Variants in ARHGAP30 observed in about 807,000 individuals in gnomAD.
ARHGAP30 encodes the protein rho GTPase-activating protein 30.
ARHGAP30 carries 23 observed loss-of-function variants against 72.0 expected under a neutral mutation model. That is an observed-to-expected ratio of 0.32 (90% CI 0.23 to 0.45). The LOEUF is 0.45. Ranked by LOEUF, ARHGAP30 falls within the 20% of genes least tolerant of loss-of-function variation. The pLI, the probability that ARHGAP30 is intolerant of heterozygous loss-of-function variation, is 1.00. For synonymous variants in ARHGAP30, 576 were observed against 528.2 expected, an observed-to-expected ratio of 1.09 and a Z score of -1.24; for missense variants, 1,319 against 1,383.4, an observed-to-expected ratio of 0.95 and a Z score of 0.74.
chr1:161,064,819 GAAAGAAAGAAAGAGAA>G (rs1225585936), intron 1 of ARHGAP30, among the ~76,000 whole-genome samples: 1,627 of 60,590 alleles, frequency 0.027, 22 homozygotes, highest in East Asian at 0.063. Context: ...AAGAAAGAAA[GAAAGAAAGAAAGAGAA>G]AGAAAGAAAG....
intron 5 of ARHGAP30, among the ~76,000 whole-genome samples, chr1:161,053,807 G>A (rs985211045): frequency 4.6e-5 from 7 of 152,200 alleles, no homozygotes; most frequent in Non-Finnish European, 8.8e-5. Flanking sequence ...GCTCACACCT[G>A]TAATCCTAGC....
chr1:161,064,039 A>G (rs548467190), intron 1 of ARHGAP30, among the ~76,000 whole-genome samples: 3 of 152,240 alleles, frequency 2.0e-5, no homozygotes, highest in Admixed American at 1.3e-4. Flanking sequence ...CTGTGATCTC[A>G]CCCTGCCTCC....
intron 2 of ARHGAP30, among the ~76,000 whole-genome samples, chr1:161,058,598 C>T (rs1211840109): frequency 8.1e-6 from 1 of 123,836 alleles, no homozygotes; most frequent in African/African-American, 3.1e-5. Context: ...CTGCACTCCA[C>T]CCTGGGCAAC....
rs1378612337 is a variant in ARHGAP30 at position 161,052,087 on chromosome 1, A to G, written c.1018+199T>C. 4.0e-5 allele frequency among the ~76,000 whole-genome samples: 6 copies of G among 149,608 alleles called. 1 individual carries two copies. The highest frequency in any genetic ancestry group is 1.5e-4 in the African/African-American group (6 of 40,484). ...TACCCATGCTGTCCCATCCCATACG[A>G]ACACTCATCAACAAAGTCATAGATT... On this transcript the variant is annotated intron_variant, in intron 9 of 11. Transcript: ENST00000368013.
rs765136591 is a variant in ARHGAP30, at chr1:161,048,064, C to T, written c.2957G>A (p.Arg986Gln). The T allele has an allele frequency of 4.3e-6, 7 of 1,614,042 alleles. No individual in the cohort carries two copies. The African/African-American group carries it at 6.7e-5, about 15-fold the overall frequency. Residue 986 changes from arginine to glutamine, a missense_variant, in exon 12 of 12, where the codon CGA becomes CAA. By Grantham distance (43) the Arg-to-Gln change is conservative. Transcript: ENST00000368013. ...GERAWGSRASRSSWRNGGSLS... is the reference protein window; with the variant it reads ...GERAWGSRASQSSWRNGGSLS... ...ACTACCCCCATTCCTCCAAGAGGAT[C>T]GAGAAGCTCGGGACCCCCAAGCCCT...
chr1:161,055,426 G>T (rs1385814422), intron 3 of ARHGAP30, among the ~76,000 whole-genome samples: 1 of 152,156 alleles, frequency 6.6e-6, no homozygotes, highest in African/African-American at 2.4e-5. Flanking sequence ...CTGGGAGATT[G>T]AGGTTGCAGT....
chr1:161,052,962 A>G (rs1410594276), intron 6 of ARHGAP30, 165 bp from the exon 7 acceptor site: 21 of 979,300 alleles, frequency 2.1e-5, no homozygotes, highest in Non-Finnish European at 2.9e-5. Context: ...GCCCTCATGG[A>G]CAAAGAGGGC....
intron 5 of ARHGAP30, among the ~76,000 whole-genome samples, chr1:161,053,951 C>G (rs1324111385): frequency 1.3e-5 from 2 of 152,138 alleles, no homozygotes; most frequent in Non-Finnish European, 2.9e-5. Flanking sequence ...GCCTGTAATC[C>G]CAGCTACTCA....
At chr1:161,063,814 G>A (rs12135996) in intron 1 of ARHGAP30, among the ~76,000 whole-genome samples, 36,009 of 152,018 alleles carry the variant, frequency 0.24, 5,249 homozygotes, top group Non-Finnish European at 0.33. Flanking sequence ...CCCCCCCACC[G>A]GGGCGTACCT....
intron 10 of ARHGAP30, 111 bp from the exon 11 acceptor site, chr1:161,049,800 C>T: frequency 2.2e-6 from 3 of 1,360,472 alleles, no homozygotes; most frequent in South Asian, 2.8e-5. Flanking sequence ...AGCATTGCTA[C>T]TCTGCATGAC....
chr1:161,050,140 A>G lies in ARHGAP30; in HGVS notation c.1421-451T>C, dbSNP rs534073590. ...TTCAGGAACTGGAGTCAGAGCAAGGATCAGATCCTAGCTCTGCTACTTCTA... is the reference window on the plus strand; with the variant it reads ...TTCAGGAACTGGAGTCAGAGCAAGGGTCAGATCCTAGCTCTGCTACTTCTA... On this transcript the variant is annotated intron_variant, in intron 10 of 11. Transcript: ENST00000368013. Among the ~76,000 whole-genome samples the G allele has an allele frequency of 2.0e-5, 3 of 152,258 alleles. No individual in the cohort carries two copies. In the South Asian group the frequency reaches 6.2e-4, roughly 32 times the overall value.
At chr1:161,062,012 C>T (rs180883712) in intron 1 of ARHGAP30, among the ~76,000 whole-genome samples, 11 of 152,020 alleles carry the variant, frequency 7.2e-5, no homozygotes, top group Admixed American at 4.6e-4. Context: ...TGCTTGAACC[C>T]GGGAGGTGGA....
chr1:161,062,847 T>C (rs1652420352), intron 1 of ARHGAP30, among the ~76,000 whole-genome samples: 1 of 151,954 alleles, frequency 6.6e-6, no homozygotes, highest in Admixed American at 6.6e-5. Context: ...GGAGTTTCGC[T>C]CTTGTTGCCC....
chr1:161,057,158 A>AT (rs11441984), intron 2 of ARHGAP30, among the ~76,000 whole-genome samples: 47,525 of 146,744 alleles, frequency 0.32, 7,737 homozygotes, highest in Non-Finnish European at 0.38. Flanking sequence ...AAATAAGCTA[A>AT]TTTTTTTTTT....
rs764376358 is a variant in ARHGAP30, at chr1:161,048,570, A to G, written c.2451T>C (p.Gly817=). Residue 817 remains glycine, a synonymous_variant, in exon 12 of 12, where the codon GGT becomes GGC. Coordinates refer to ENST00000368013, the MANE Select transcript of ARHGAP30 (RefSeq NM_001025598.2). ...YHEARKDQGD[G]EDSRSPEAAT... is the part of the protein sequence containing the mutation. The stretch of plus-strand genomic sequence containing the variant: ...CTGCTTCTGGGCTTCTGCTGTCTTC[A>G]CCATCTCCTTGGTCTTTTCTTGCTT... 12 of 1,613,508 alleles carry G rather than the reference A, an allele frequency of 7.4e-6. No homozygotes were observed. In the Admixed American group the frequency reaches 1.5e-4, roughly 20 times the overall value.
chr1:161,054,547 A>T (rs1347828172), intron 4 of ARHGAP30, 74 bp from the exon 5 acceptor site: 2 of 1,599,892 alleles, frequency 1.3e-6, no homozygotes, highest in Non-Finnish European at 1.7e-6. Context: ...TGGGAGCAGT[A>T]GGACCCAGTT....
rs149524176 is a variant in ARHGAP30 at position 161,052,457 on chromosome 1, C to T, written c.923G>A (p.Arg308Gln). ...SGHETKRKLP[R>Q]GAEDREDKSN... is the part of the protein sequence containing the mutation. ...AGACTTACCCCTGTCCTCAGCCCCC[C>T]GTGGAAGTTTACGCTTAGTCTCATG... The change falls in exon 8 of 12, where the codon CGG becomes CAG. Residue 308 changes from arginine (R) to glutamine (Q), a missense_variant. Arg to Gln is a conservative substitution (Grantham distance 43). This residue lies in a region of ARHGAP30 where 1,097 missense variants were observed against 1,045.2 expected (regional missense o/e 1.05). Transcript: ENST00000368013. The T allele has an allele frequency of 5.3e-5, 85 of 1,613,940 alleles. No homozygotes were observed. In the African/African-American group the frequency reaches 5.3e-4, roughly 10 times the overall value.
Position 161,047,726 on chromosome 1 carries a change from C to T in ARHGAP30, c.3295G>A (p.Glu1099Lys). 6.6e-7 allele frequency: 1 copy of T among 1,521,804 alleles called. No individual in the cohort carries two copies. The highest frequency in any genetic ancestry group is 8.8e-7 in the Non-Finnish European group (1 of 1,135,998). 94.3% of individuals were successfully genotyped at this position (1,521,804 alleles called of 1,614,324 possible). A position where few individuals can be genotyped will look rare whatever the true frequency, so the allele number is the denominator to read the frequency against. ...FETQANPGKG[E>K]GL ...GGCTGTGGTCCTAATCACAGTCCTTCACCTTTCCCAGGGTTAGCCTGTGTT... is the reference window on the plus strand; with the variant it reads ...GGCTGTGGTCCTAATCACAGTCCTTTACCTTTCCCAGGGTTAGCCTGTGTT... The change falls in exon 12 of 12, where the codon GAA (glutamate) becomes AAA (lysine). Residue 1099 changes from glutamate (E) to lysine (K), a missense_variant. Transcript: ENST00000368013.
intron 1 of ARHGAP30, among the ~76,000 whole-genome samples, chr1:161,060,950 C>A: frequency 6.6e-6 from 1 of 151,954 alleles, no homozygotes; most frequent in East Asian, 2.0e-4. Context: ...ATATTTCGCC[C>A]GCCTCGGCCT....
Sources: gnomAD v4.1 joint callset for allele counts (sites outside exome capture counted in the v4.1 genomes callset) on GRCh38, gnomAD v4.1.1 for gene constraint, gnomAD v4.1.1 regional missense constraint, MANE v1.5 for transcripts, NCBI Gene and HGNC (gene_info 2026-07-23, HGNC 2026-07-21) for gene names.